GRID2: variants seen among roughly 807,000 people sequenced by gnomAD.
The protein encoded by GRID2 is glutamate ionotropic receptor delta type subunit 2, also known as glutamate receptor ionotropic, delta-2.
In GRID2, 33 loss-of-function variants were observed where a neutral mutation model predicts 114.8. That is an observed-to-expected ratio of 0.29 (90% CI 0.22 to 0.38). The LOEUF (loss-of-function observed/expected upper bound fraction) is 0.38, where lower values mean the gene tolerates loss of function less well. Ranked by LOEUF, GRID2 falls within the 10% of genes least tolerant of loss-of-function variation. GRID2 has a pLI of 1.00. For synonymous variants in GRID2, 505 were observed against 449.9 expected (o/e 1.12, Z -1.55); for missense variants, 1,184 against 1,257.7 (o/e 0.94, Z 0.89).
At chr4:92,475,119 T>G (rs1036641625) in intron 1 of GRID2, among the ~76,000 whole-genome samples, 9 of 128,424 alleles carry the variant, frequency 7.0e-5, no homozygotes, top group African/African-American at 2.7e-4. Context: ...TAAAGTATAA[T>G]AATAATAATA....
intron 11 of GRID2, among the ~76,000 whole-genome samples, chr4:93,460,045 C>T (rs553667815): frequency 6.6e-6 from 1 of 152,288 alleles, no homozygotes; most frequent in South Asian, 2.1e-4. Context: ...TTCACCTGAA[C>T]TATAGGAGTC....
chr4:93,198,841 C>CT (rs1431927325), intron 4 of GRID2, among the ~76,000 whole-genome samples: 1 of 151,998 alleles, frequency 6.6e-6, no homozygotes, highest in Non-Finnish European at 1.5e-5. Context: ...TTTATTTTTT[C>CT]TTTATTGGCT....
At chr4:92,715,098 G>A (rs186056839) in intron 2 of GRID2, among the ~76,000 whole-genome samples, 33 of 152,100 alleles carry the variant, frequency 2.2e-4, no homozygotes, top group Admixed American at 5.9e-4. Context: ...CACCCAAGTC[G>A]CCTCTTTTGC....
intron 2 of GRID2, among the ~76,000 whole-genome samples, chr4:92,816,755 C>T (rs1465113172): frequency 6.6e-6 from 1 of 152,042 alleles, no homozygotes; most frequent in Admixed American, 6.6e-5. Flanking sequence ...TCTAATAGTA[C>T]TAGTTTATGA....
intron 13 of GRID2, among the ~76,000 whole-genome samples, chr4:93,562,411 A>G (rs530833778): frequency 6.6e-6 from 1 of 152,006 alleles, no homozygotes; most frequent in East Asian, 1.9e-4. Context: ...TTAGCATTGA[A>G]TTTTAAGTTC....
intron 14 of GRID2, among the ~76,000 whole-genome samples, chr4:93,745,167 G>T (rs1203012552): frequency 6.6e-6 from 1 of 152,044 alleles, no homozygotes; most frequent in African/African-American, 2.4e-5. Context: ...AATTGTTATT[G>T]CTGTCATCAT....
At chr4:92,384,554 A>T (rs1195679532) in intron 1 of GRID2, among the ~76,000 whole-genome samples, 1 of 49,712 alleles carries the variant, frequency 2.0e-5, no homozygotes, top group Admixed American at 4.6e-4. Context: ...TATAATATAT[A>T]TTATATATAA....
intron 2 of GRID2, among the ~76,000 whole-genome samples, chr4:92,620,301 G>T (rs1489350511): frequency 6.6e-6 from 1 of 151,722 alleles, no homozygotes; most frequent in African/African-American, 2.4e-5. Flanking sequence ...GATGGATTAA[G>T]GGTCAAAAAA....
chr4:92,574,219 A>C (rs943412731), intron 1 of GRID2, among the ~76,000 whole-genome samples: 10 of 152,100 alleles, frequency 6.6e-5, no homozygotes, highest in African/African-American at 2.4e-4. Context: ...TGAAGACAGC[A>C]TACCAATGGG....
intron 2 of GRID2, among the ~76,000 whole-genome samples, chr4:92,803,578 C>G (rs528106909): frequency 6.6e-6 from 1 of 151,968 alleles, no homozygotes; most frequent in African/African-American, 2.4e-5. Flanking sequence ...CTTTGTATCT[C>G]CTCATATAAT....
chr4:92,414,213 A>G (rs1177729720), intron 1 of GRID2, among the ~76,000 whole-genome samples: 1 of 152,144 alleles, frequency 6.6e-6, no homozygotes, highest in Non-Finnish European at 1.5e-5. Context: ...TTAGAATGGT[A>G]AAAGTTAAAA....
chr4:93,681,415 T>C (rs1725522231), intron 14 of GRID2, among the ~76,000 whole-genome samples: 1 of 151,212 alleles, frequency 6.6e-6, no homozygotes, highest in African/African-American at 2.5e-5. Flanking sequence ...CTTCACAGAA[T>C]TGGAAAAAAA....
At chr4:92,693,831 A>G (rs1734300247) in intron 2 of GRID2, among the ~76,000 whole-genome samples, 4 of 152,246 alleles carry the variant, frequency 2.6e-5, no homozygotes. Flanking sequence ...AAGCAGTTAT[A>G]TAGGATAGAT....
At chr4:93,592,055 C>G (rs1738400994) in intron 13 of GRID2, among the ~76,000 whole-genome samples, 1 of 152,078 alleles carries the variant, frequency 6.6e-6, no homozygotes. Flanking sequence ...TCTCTATTTC[C>G]TTCAGTTCTG....
chr4:93,287,383 A>G (rs1753295883), intron 8 of GRID2, among the ~76,000 whole-genome samples: 1 of 152,202 alleles, frequency 6.6e-6, no homozygotes, highest in African/African-American at 2.4e-5. Flanking sequence ...CACTTTAGGC[A>G]GGTAGAAAGT....
At chr4:93,017,689 C>T (rs942205670) in intron 2 of GRID2, among the ~76,000 whole-genome samples, 6 of 151,256 alleles carry the variant, frequency 4.0e-5, no homozygotes, top group Non-Finnish European at 8.8e-5. Context: ...GCTTGTGATC[C>T]CAGCTATTCA....
chr4:93,202,459 TAGG>T (rs1742212109), intron 4 of GRID2, among the ~76,000 whole-genome samples: 1 of 152,134 alleles, frequency 6.6e-6, no homozygotes, highest in East Asian at 1.9e-4. Flanking sequence ...ACTGCTAAAA[TAGG>T]AGATTAGAAG....
chr4:92,701,882 C>T (rs1033153152), intron 2 of GRID2, among the ~76,000 whole-genome samples: 11 of 152,106 alleles, frequency 7.2e-5, no homozygotes, highest in Middle Eastern at 3.2e-3. Flanking sequence ...AACCTCTGAG[C>T]AACCTATGCT....
chr4:92,331,525 G>A (rs1726889711), intron 1 of GRID2, among the ~76,000 whole-genome samples: 1 of 152,096 alleles, frequency 6.6e-6, no homozygotes, highest in South Asian at 2.1e-4. Context: ...TAGAAAGATA[G>A]GAAAGGAGGA....
Sources: allele counts gnomAD v4.1 joint callset (sites outside exome capture counted in the v4.1 genomes callset), GRCh38; gene constraint gnomAD v4.1.1; transcripts MANE v1.5; gene names NCBI Gene and HGNC (gene_info 2026-07-23, HGNC 2026-07-21).